PIEZO1: variants seen among roughly 807,000 people sequenced by gnomAD.
PIEZO1 encodes piezo type mechanosensitive ion channel component 1 (Er blood group), also known as piezo-type mechanosensitive ion channel component 1.
PIEZO1 carries 296 observed loss-of-function variants against 297.2 expected under a neutral mutation model. The ratio of observed to expected loss-of-function variants is 1.00; its 90% confidence interval spans 0.91 to 1.10. PIEZO1 has a LOEUF of 1.10. Ranked by LOEUF, PIEZO1 falls within the 50% of genes least tolerant of loss-of-function variation. PIEZO1 has a pLI of 0.00. For missense variants in PIEZO1, 5,018 were observed against 3,455.5 expected, an observed-to-expected ratio of 1.45 and a Z score of -11.34; for synonymous variants, 2,427 against 1,507.5, an observed-to-expected ratio of 1.61 and a Z score of -14.13.
rs1029688552 is a variant in PIEZO1 at position 88,725,951 on chromosome 16, G to C, written c.3969-267C>G. ...GGGAAGAAGGCAAAGCTGGCCCCAAGCCAGAACCCCTCCCTGGGGCAGTCG... is the reference window on the plus strand; with the variant it reads ...GGGAAGAAGGCAAAGCTGGCCCCAACCCAGAACCCCTCCCTGGGGCAGTCG... On this transcript the variant is annotated intron_variant, in intron 27 of 50. Transcript: ENST00000301015. 3 of 569,224 alleles carry C rather than the reference G, an allele frequency of 5.3e-6. No homozygotes were observed. In the African/African-American group the frequency reaches 5.6e-5, roughly 11 times the overall value. The allele number at this position is 569,224 out of a possible 1,614,324, so 35.3% of individuals were successfully genotyped here. A position where few individuals can be genotyped will look rare whatever the true frequency, so the allele number is the denominator to read the frequency against.
In PIEZO1 at chr16:88,725,689, A is replaced by T. The variant is rs4782429; in HGVS notation, c.3969-5T>A. 5.3e-6 allele frequency: 8 copies of T among 1,513,946 alleles called. No individual in the cohort carries two copies. Among genetic ancestry groups the T allele is most frequent in the South Asian group, 2.4e-5 (2 of 83,464 alleles). 93.8% of individuals were successfully genotyped at this position (1,513,946 alleles called of 1,614,324 possible). The stretch of plus-strand genomic sequence containing the variant: ...GCGTTGTAGAGGGCGAAGCCCCTGT[A>T]GGGAGGCGGGGATGGGGTGTGAGCA... On this transcript the variant is annotated splice_polypyrimidine_tract_variant and splice_region_variant and intron_variant, in intron 27 of 50. Transcript: ENST00000301015.
chr16:88,775,799 G>T (rs967528244), intron 1 of PIEZO1, among the ~76,000 whole-genome samples: 1 of 152,106 alleles, frequency 6.6e-6, no homozygotes, highest in Admixed American at 6.5e-5. Context: ...CAAGGGTAGG[G>T]AGAGTATGTG....
rs938103791 is a variant in PIEZO1 at position 88,733,126 on chromosome 16, G to A, written c.2664+152C>T. On this transcript the variant is annotated intron_variant, in intron 19 of 50. Coordinates refer to ENST00000301015, the MANE Select transcript of PIEZO1 (RefSeq NM_001142864.4). ...TCCACAGTTGAGGTCGAAGGATGCT[G>A]CCTCCAGGAAGCCCCCTTGGCGCCC... 165 of 690,928 alleles carry A rather than the reference G, an allele frequency of 2.4e-4. 1 individual carries two copies. Among genetic ancestry groups the A allele is most frequent in the Non-Finnish European group, 2.9e-5 (12 of 417,734 alleles). 42.8% of individuals were successfully genotyped at this position (690,928 alleles called of 1,614,324 possible). A position where few individuals can be genotyped will look rare whatever the true frequency, so the allele number is the denominator to read the frequency against.
At position 88,785,148 on chromosome 16, in the gene PIEZO1, G is replaced by A. The variant is rs1019718673; in HGVS notation, c.-184C>T. 6.4e-6 allele frequency: 2 copies of A among 313,172 alleles called. No homozygotes were observed. Among genetic ancestry groups the A allele is most frequent in the Non-Finnish European group, 1.1e-5 (2 of 179,718 alleles). The allele number at this position is 313,172 out of a possible 1,614,324, so 19.4% of individuals were successfully genotyped here. A position where few individuals can be genotyped will look rare whatever the true frequency, so the allele number is the denominator to read the frequency against. Reference sequence around the variant, plus strand: ...ACGTCCCGGGCCCGCGCTCGCTCAGGCGACCGCCCTGCCCCTCGGCGGAGC... The same window carrying A: ...ACGTCCCGGGCCCGCGCTCGCTCAGACGACCGCCCTGCCCCTCGGCGGAGC... On this transcript the variant is annotated 5_prime_UTR_variant, in exon 1 of 51. Transcript: ENST00000301015.
chr16:88,720,471 G>C lies in PIEZO1; in HGVS notation c.5863C>G (p.Arg1955Gly). The C allele has an allele frequency of 1.3e-6, 2 of 1,550,412 alleles. No homozygotes were observed. The highest frequency in any genetic ancestry group is 2.4e-5 in the East Asian group (1 of 40,922). Residue 1955 changes from arginine (R) to glycine (G), a missense_variant, in exon 41 of 51, where the codon CGC becomes GGC. Transcript: ENST00000301015. ...FFHDILHTKYRAATDVYALMF... is the reference protein window; with the variant it reads ...FFHDILHTKYGAATDVYALMF... The stretch of plus-strand genomic sequence containing the variant: ...AGGGCATAGACGTCGGTGGCTGCGC[G>C]GTACTTGGTGTGCAGGATGTCGTGG...
At chr16:88,737,041 C>A in intron 10 of PIEZO1, 1 of 311,812 alleles carries the variant, frequency 3.2e-6, no homozygotes, top group Admixed American at 4.9e-5. Context: ...ACCCCAGGGC[C>A]GTGGCTTCAT....
At position 88,743,988 on chromosome 16, in the gene PIEZO1, G is replaced by A. The variant is rs74826401; in HGVS notation, c.161-1566C>T. 5.0e-3 allele frequency: 1,196 copies of A among 238,420 alleles called. 34 individuals carry two copies. The highest frequency in any genetic ancestry group is 0.046 in the Admixed American group (914 of 19,810). The allele number at this position is 238,420 out of a possible 1,614,324, so 14.8% of individuals were successfully genotyped here. ...CCAGGGGGTGCTGTGCAGGGCTCCC[G>A]GAGGACAGGACCTTCCAGGGCCTCC... On this transcript the variant is annotated intron_variant, in intron 2 of 50. Transcript: ENST00000301015.
Position 88,720,716 on chromosome 16 carries a change from C to T in PIEZO1, c.5701G>A (p.Glu1901Lys), listed in dbSNP as rs1266516250. Residue 1901 changes from glutamate to lysine, a missense_variant, in exon 40 of 51, where the codon GAA (glutamate) becomes AAA (lysine). By Grantham distance (56) the Glu-to-Lys change is moderately conservative. Transcript: ENST00000301015. ...CTCCCCGTGGGGGCCTCTTTCTCTT[C>T]CTCCCCCTCTTCTTCCTCCCTGTCC... ...AEDREEEEGE[E>K]EKEAPTGREK... The T allele has an allele frequency of 8.5e-6, 13 of 1,529,468 alleles. No homozygotes were observed. In the East Asian group the frequency reaches 2.0e-4, roughly 23 times the overall value. The allele number at this position is 1,529,468 out of a possible 1,614,324, so 94.7% of individuals were successfully genotyped here. A position where few individuals can be genotyped will look rare whatever the true frequency, so the allele number is the denominator to read the frequency against.
intron 1 of PIEZO1, among the ~76,000 whole-genome samples, chr16:88,749,788 G>A (rs532385842): frequency 1.3e-5 from 2 of 152,306 alleles, no homozygotes; most frequent in African/African-American, 4.8e-5. Flanking sequence ...AGCACTTTGG[G>A]AGGCCAAGGC....
chr16:88,784,353 A>AG (rs1713379878), intron 1 of PIEZO1, among the ~76,000 whole-genome samples: 1 of 152,186 alleles, frequency 6.6e-6, no homozygotes, highest in African/African-American at 2.4e-5. Context: ...AGTCCGGCAG[A>AG]GGGGGGTGCA....
chr16:88,723,456 CCT>C, intron 31 of PIEZO1, 128 bp from the exon 32 acceptor site: 1 of 1,083,812 alleles, frequency 9.2e-7, no homozygotes. Context: ...CCTCCGTGTC[CCT>C]GAGCCCCTCC....
At chr16:88,741,382 C>T (rs1905644880) in intron 5 of PIEZO1, 96 bp downstream of exon 5, 8 of 1,167,190 alleles carry the variant, frequency 6.9e-6, no homozygotes, top group African/African-American at 3.1e-5. Context: ...AAAACGTCTA[C>T]ATCTGTTTTA....
rs750951378 is a variant in PIEZO1 at position 88,719,784 on chromosome 16, C to A, written c.6323+18G>T. ...CATGCCCGGGCCGTGACCCCCACCC[C>A]GGCGGACCTGCACTCACCCCTGGAA... On this transcript the variant is annotated intron_variant, in intron 43 of 50. Transcript: ENST00000301015. 5.8e-6 allele frequency: 9 copies of A among 1,550,344 alleles called. No homozygotes were observed. The highest frequency in any genetic ancestry group is 1.7e-4 in the Middle Eastern group (1 of 5,992).
intron 2 of PIEZO1, among the ~76,000 whole-genome samples, chr16:88,746,867 G>C (rs736204): frequency 6.6e-6 from 1 of 151,740 alleles, no homozygotes; most frequent in Non-Finnish European, 1.5e-5. Context: ...ACGGCGAAAC[G>C]CCAGGGGCCT....
In PIEZO1 at chr16:88,721,901, C is replaced by A. The variant is rs34346312; in HGVS notation, c.5121G>T (p.Ser1707=). 1.5e-5 allele frequency: 24 copies of A among 1,549,976 alleles called. No individual in the cohort carries two copies. The African/African-American group carries it at 2.6e-4, about 17-fold the overall frequency. Residue 1707 remains serine, a synonymous_variant, in exon 37 of 51, where the codon TCG becomes TCT. Transcript: ENST00000301015. ...LNHMVTASAG[S]LVLPVLVFLW... is the part of the protein sequence containing the mutation. ...GGAAGACGAGCACGGGCAGCACCAGCGAGCCGGCGGAGGCCGTGACCATGT... is the reference window on the plus strand; with the variant it reads ...GGAAGACGAGCACGGGCAGCACCAGAGAGCCGGCGGAGGCCGTGACCATGT...
intron 42 of PIEZO1, 51 bp from the exon 43 acceptor site, chr16:88,720,011 G>T: frequency 6.5e-7 from 1 of 1,548,894 alleles, no homozygotes; most frequent in Non-Finnish European, 8.7e-7. Flanking sequence ...GCCCCGCAGG[G>T]CCCCCAGCCT....
chr16:88,765,452 C>G (rs1248952026), intron 1 of PIEZO1, among the ~76,000 whole-genome samples: 1 of 152,184 alleles, frequency 6.6e-6, no homozygotes, highest in Non-Finnish European at 1.5e-5. Flanking sequence ...CCTAGCTCAG[C>G]CCTCCCCTCT....
At position 88,777,702 on chromosome 16, in the gene PIEZO1, G is replaced by A. The variant is rs114777611; in HGVS notation, c.64+7199C>T. On this transcript the variant is annotated intron_variant, in intron 1 of 50. Coordinates refer to ENST00000301015, the MANE Select transcript of PIEZO1 (RefSeq NM_001142864.4). ...AAGTAAATGAGGGAGCGAGGGCCGC[G>A]TGGTGGCTGAGCTGCGTAAAGGCAG... is the stretch of plus-strand genomic sequence containing the variant. Among the ~76,000 whole-genome samples, 501 of 152,376 alleles carry A rather than the reference G, an allele frequency of 3.3e-3. 2 individuals carry two copies. Among genetic ancestry groups the A allele is most frequent in the African/African-American group, 0.011 (472 of 41,592 alleles).
rs754305193 is a variant in PIEZO1 at position 88,716,570 on chromosome 16, C to A, written c.6915G>T (p.Trp2305Cys). The A allele has an allele frequency of 1.9e-6, 3 of 1,543,350 alleles. No homozygotes were observed. The Admixed American group carries it at 5.9e-5, about 30-fold the overall frequency. Residue 2305 changes from tryptophan to cysteine, a missense_variant, in exon 47 of 51, where the codon TGG becomes TGT. Physicochemically the swap from Trp to Cys is radical, Grantham distance 215. Coordinates refer to ENST00000301015, the MANE Select transcript of PIEZO1 (RefSeq NM_001142864.4). ...AGTCCAGGACGAACCTCTGGAAGTTCCAGGTGAAGCGCAGGGTGATGTCGG... is the reference window on the plus strand; with the variant it reads ...AGTCCAGGACGAACCTCTGGAAGTTACAGGTGAAGCGCAGGGTGATGTCGG... ...GTADITLRFTWNFQRDLAKGG... is the reference protein window; with the variant it reads ...GTADITLRFTCNFQRDLAKGG...
Sources: gnomAD v4.1 joint callset for allele counts (sites outside exome capture counted in the v4.1 genomes callset) on GRCh38, gnomAD v4.1.1 for gene constraint, MANE v1.5 for transcripts, NCBI Gene and HGNC (gene_info 2026-07-23, HGNC 2026-07-21) for gene names.